TMEM87A: variants seen among roughly 807,000 people sequenced by gnomAD.
The protein encoded by TMEM87A is Golgi-pH regulating cation channel.
Under a neutral mutation model 90.0 loss-of-function variants are expected in TMEM87A, and 50 were observed. The ratio of observed to expected loss-of-function variants is 0.56; its 90% CI spans 0.44 to 0.70. TMEM87A has a LOEUF of 0.70. Ranked by LOEUF, TMEM87A falls within the 30% of genes least tolerant of loss-of-function variation. The probability of loss-of-function intolerance (pLI) is 0.00; values close to 1 mark genes in which losing one functional copy is unlikely to be tolerated. For synonymous variants in TMEM87A, 226 were observed against 226.7 expected (o/e 1.00, Z 0.03); for missense variants, 577 against 660.5 (o/e 0.87, Z 1.39).
At chr15:42,269,444 G>C (rs1328829992) in intron 2 of TMEM87A, among the ~76,000 whole-genome samples, 2 of 151,858 alleles carry the variant, frequency 1.3e-5, no homozygotes, top group African/African-American at 4.8e-5. Flanking sequence ...AATTTGACCT[G>C]TTGGATAGAA....
At chr15:42,220,457 AAAGT>A (rs2050457380) in intron 15 of TMEM87A, among the ~76,000 whole-genome samples, 2 of 152,224 alleles carry the variant, frequency 1.3e-5, no homozygotes, top group South Asian at 4.1e-4. Flanking sequence ...GTGTTTTGTA[AAAGT>A]AAGTCGTTAC....
At chr15:42,223,724 CTGA>C (rs2050539049) in intron 15 of TMEM87A, among the ~76,000 whole-genome samples, 1 of 152,112 alleles carries the variant, frequency 6.6e-6, no homozygotes, top group Non-Finnish European at 1.5e-5. Context: ...GTTATAGCAG[CTGA>C]AAATGGACAG....
chr15:42,228,862 T>G (rs769786640), intron 12 of TMEM87A, 42 bp from the exon 13 acceptor site: 3 of 1,418,652 alleles, frequency 2.1e-6, no homozygotes, highest in Admixed American at 2.2e-5. Context: ...GAAAAAACAG[T>G]AAGCTAGCCA....
intron 1 of TMEM87A, 135 bp downstream of exon 1, chr15:42,273,120 G>A: frequency 8.7e-7 from 1 of 1,143,624 alleles, no homozygotes; most frequent in Non-Finnish European, 1.2e-6. Context: ...GTCCCAGTTG[G>A]CTAGCCACAC....
chr15:42,228,378 A>G (rs2050632536), intron 13 of TMEM87A, among the ~76,000 whole-genome samples: 1 of 152,214 alleles, frequency 6.6e-6, no homozygotes, highest in South Asian at 2.1e-4. Flanking sequence ...TAATAAAACT[A>G]AACAAACATG....
chr15:42,237,806 G>A (rs2050801594), intron 8 of TMEM87A, among the ~76,000 whole-genome samples, 191 bp from the exon 9 acceptor site: 1 of 151,824 alleles, frequency 6.6e-6, no homozygotes. Context: ...GGGATTACAG[G>A]CATAAGCCAC....
intron 7 of TMEM87A, among the ~76,000 whole-genome samples, chr15:42,242,032 A>G (rs942084979): frequency 8.0e-5 from 12 of 150,062 alleles, no homozygotes; most frequent in African/African-American, 2.7e-4. Flanking sequence ...ACACCACTGC[A>G]CTCCAGCCTG....
Position 42,244,555 on chromosome 15 carries a change from G to A in TMEM87A, c.505-388C>T, listed in dbSNP as rs188657047. Among the ~76,000 whole-genome samples the A allele has an allele frequency of 7.3e-5, 11 of 151,538 alleles. No individual in the cohort carries two copies. The East Asian group carries it at 2.2e-3, about 30-fold the overall frequency. Reference sequence around the variant, plus strand: ...TCACCTTAAACAAAACTTAATGATGGTATCAGTAAAATGAATTCTAATCAC... The same window carrying A: ...TCACCTTAAACAAAACTTAATGATGATATCAGTAAAATGAATTCTAATCAC... On this transcript the variant is annotated intron_variant, in intron 6 of 19. Coordinates refer to ENST00000389834, the MANE Select transcript of TMEM87A (RefSeq NM_015497.5).
chr15:42,259,133 G>A (rs1288059436), intron 6 of TMEM87A: 3 of 626,290 alleles, frequency 4.8e-6, no homozygotes, highest in Non-Finnish European at 8.7e-6. Flanking sequence ...AAGGGGGTAG[G>A]GGAAGCAAAC....
In TMEM87A at chr15:42,228,753, A is replaced by C. The variant is rs1447002023; in HGVS notation, c.1199T>G (p.Leu400Trp). 6.2e-7 allele frequency: 1 copy of C among 1,610,066 alleles called. No individual in the cohort carries two copies. Among genetic ancestry groups the C allele is most frequent in the Middle Eastern group, 1.7e-4 (1 of 6,040 alleles). Residue 400 changes from leucine (L) to tryptophan (W), a missense_variant, in exon 13 of 20, where the codon TTG becomes TGG. Physicochemically the swap from Leu to Trp is moderately conservative, Grantham distance 61. Transcript: ENST00000389834. ...AAGCGTGTTGGTGAAATGCCGATAC[A>C]AAGAGAGTTTTACAATGTTCCTCCG... The part of the protein sequence containing the change: ...KLRRNIVKLS[L>W]YRHFTNTLIL...
In TMEM87A at chr15:42,244,172, A is replaced by T. The variant is rs1235003753; in HGVS notation, c.505-5T>A. 6.7e-7 allele frequency: 1 copy of T among 1,503,408 alleles called. No individual in the cohort carries two copies. 93.1% of individuals were successfully genotyped at this position (1,503,408 alleles called of 1,614,324 possible). ...TTGCAATGGTTCATGCATTGCCTAG[A>T]AAGGGAAAAGGGCATCACATCTATA... On this transcript the variant is annotated splice_polypyrimidine_tract_variant and splice_region_variant and intron_variant, in intron 6 of 19. Coordinates refer to ENST00000389834, the MANE Select transcript of TMEM87A (RefSeq NM_015497.5).
chr15:42,263,534 C>A (rs2051337812), intron 4 of TMEM87A, among the ~76,000 whole-genome samples: 1 of 152,156 alleles, frequency 6.6e-6, no homozygotes, highest in Admixed American at 6.5e-5. Flanking sequence ...CACTTCAGGT[C>A]AAGAGTTCAA....
At chr15:42,248,097 G>A (rs112326382) in intron 6 of TMEM87A, among the ~76,000 whole-genome samples, 2,404 of 152,184 alleles carry the variant, frequency 0.016, 23 homozygotes, top group Non-Finnish European at 0.024. Context: ...TGTTATTGGC[G>A]TACAGGAATG....
At chr15:42,231,167 T>C (rs757174301) in intron 12 of TMEM87A, 25 bp downstream of exon 12, 2 of 1,587,942 alleles carry the variant, frequency 1.3e-6, no homozygotes, top group Non-Finnish European at 1.7e-6. Context: ...TGGACCATCA[T>C]CAAACAAGCC....
intron 7 of TMEM87A, among the ~76,000 whole-genome samples, chr15:42,243,535 A>G (rs1257306127): frequency 3.8e-5 from 4 of 104,898 alleles, no homozygotes; most frequent in Non-Finnish European, 5.5e-5. Context: ...TTTTTTTTTG[A>G]GAACAAGAAC....
At chr15:42,220,251 A>T in intron 15 of TMEM87A, 116 bp from the exon 16 acceptor site, 1 of 712,962 alleles carries the variant, frequency 1.4e-6, no homozygotes, top group African/African-American at 1.8e-5. Context: ...TCATTAAATC[A>T]GTTTAATAAT....
At position 42,225,307 on chromosome 15, in the gene TMEM87A, G is replaced by C. The variant is rs1480975727; in HGVS notation, c.1403+1499C>G. 1.1e-4 allele frequency among the ~76,000 whole-genome samples: 16 copies of C among 151,864 alleles called. No homozygotes were observed. The East Asian group carries it at 2.9e-3, about 28-fold the overall frequency. On this transcript the variant is annotated intron_variant, in intron 15 of 19. Coordinates refer to ENST00000389834, the MANE Select transcript of TMEM87A (RefSeq NM_015497.5). Reference sequence around the variant, plus strand: ...TAACCGTCTAAATGCAAATGGGGGGGGGGGGAAGGCATAATCACAAAATAA... The same window carrying C: ...TAACCGTCTAAATGCAAATGGGGGGCGGGGGAAGGCATAATCACAAAATAA...
At chr15:42,247,066 T>C (rs985621872) in intron 6 of TMEM87A, among the ~76,000 whole-genome samples, 1 of 151,942 alleles carries the variant, frequency 6.6e-6, no homozygotes, top group Non-Finnish European at 1.5e-5. Context: ...ATTTTTTTCA[T>C]GTGTCTGTTG....
rs576264091 is a variant in TMEM87A at position 42,219,843 on chromosome 15, A to G, written c.1478-201T>C. On this transcript the variant is annotated intron_variant, in intron 16 of 19. Coordinates refer to ENST00000389834, the MANE Select transcript of TMEM87A (RefSeq NM_015497.5). Reference sequence around the variant, plus strand: ...ATATGTAAGCTGGGAAGTTCAAAGCAAAATTTTTAGCTCACTTCTAGCAAG... The same window carrying G: ...ATATGTAAGCTGGGAAGTTCAAAGCGAAATTTTTAGCTCACTTCTAGCAAG... 6.6e-5 allele frequency among the ~76,000 whole-genome samples: 10 copies of G among 152,290 alleles called. No individual in the cohort carries two copies. In the East Asian group the frequency reaches 1.7e-3, roughly 26 times the overall value.
Sources: gnomAD v4.1 joint callset for allele counts (sites outside exome capture counted in the v4.1 genomes callset) on GRCh38, gnomAD v4.1.1 for gene constraint, MANE v1.5 for transcripts, NCBI Gene and HGNC (gene_info 2026-07-23, HGNC 2026-07-21) for gene names.